The following DTNBP1 variants were observed in gnomAD, a reference collection of about 807,000 sequenced individuals.
DTNBP1 encodes dystrobrevin binding protein 1, also known as dysbindin.
Under a neutral mutation model 42.8 loss-of-function variants are expected in DTNBP1, and 35 were observed. That is an observed-to-expected ratio of 0.82 (90% CI 0.63 to 1.09). The LOEUF is 1.09. Among genes scored for constraint, DTNBP1 ranks in the 50% least tolerant of loss-of-function variants. The pLI, the probability that DTNBP1 is intolerant of heterozygous loss-of-function variation, is 0.00. For missense variants in DTNBP1, 457 were observed against 424.2 expected (o/e 1.08, Z -0.68); for synonymous variants, 171 against 162.2 (o/e 1.05, Z -0.41).
chr6:15,558,575 G>A (rs1774657818), intron 7 of DTNBP1, among the ~76,000 whole-genome samples: 1 of 151,980 alleles, frequency 6.6e-6, no homozygotes. Flanking sequence ...CCTCTGATGA[G>A]TACTCTTAAA....
intron 1 of DTNBP1, among the ~76,000 whole-genome samples, chr6:15,659,784 C>A (rs1761496501): frequency 4.6e-5 from 7 of 152,072 alleles, no homozygotes. Flanking sequence ...GAACTCCTGA[C>A]CTCATGATCC....
chr6:15,660,238 C>A, intron 1 of DTNBP1: 1 of 732,254 alleles, frequency 1.4e-6, no homozygotes, highest in Non-Finnish European at 2.0e-6. Flanking sequence ...TTCCACATTA[C>A]CAACATATAA....
chr6:15,660,359 G>C (rs1761533827), intron 1 of DTNBP1: 1 of 1,289,638 alleles, frequency 7.8e-7, no homozygotes, highest in Non-Finnish European at 1.0e-6. Flanking sequence ...TAACCGAACA[G>C]CTTAAATGTA....
chr6:15,544,411 T>C (rs571810050), intron 7 of DTNBP1, among the ~76,000 whole-genome samples: 2 of 152,360 alleles, frequency 1.3e-5, no homozygotes, highest in South Asian at 4.1e-4. Flanking sequence ...GTACTTTCTC[T>C]TGCATAAATG....
At chr6:15,595,142 A>G in intron 6 of DTNBP1, 1 of 456,374 alleles carries the variant, frequency 2.2e-6, no homozygotes, top group Admixed American at 2.4e-5. Context: ...TTTCCAGGAA[A>G]CTTCCCTTCA....
intron 7 of DTNBP1, among the ~76,000 whole-genome samples, chr6:15,539,499 G>A (rs900427280): frequency 6.6e-6 from 1 of 152,184 alleles, no homozygotes; most frequent in Non-Finnish European, 1.5e-5. Context: ...TGCACAGAGG[G>A]TCCCACCTCA....
At chr6:15,538,332 C>T (rs1449343518) in intron 7 of DTNBP1, among the ~76,000 whole-genome samples, 2 of 152,176 alleles carry the variant, frequency 1.3e-5, no homozygotes, top group Non-Finnish European at 2.9e-5. Flanking sequence ...GGGCTGAGAG[C>T]ATCCCCGGGC....
At chr6:15,545,907 G>A in intron 7 of DTNBP1, 1 of 342,816 alleles carries the variant, frequency 2.9e-6, no homozygotes, top group South Asian at 2.3e-5. Flanking sequence ...GAAGGGCAAG[G>A]CAGTTTAGAA....
intron 4 of DTNBP1, among the ~76,000 whole-genome samples, chr6:15,629,323 T>A (rs560357925): frequency 2.0e-5 from 3 of 152,080 alleles, no homozygotes; most frequent in South Asian, 4.2e-4. Context: ...AAAAAAAAAA[T>A]TCCTATATTA....
chr6:15,645,293 TA>T (rs1228400172), intron 3 of DTNBP1, among the ~76,000 whole-genome samples: 1 of 150,922 alleles, frequency 6.6e-6, no homozygotes, highest in South Asian at 2.1e-4. Context: ...ATAATAATAA[TA>T]AAAAAAATCT....
intron 3 of DTNBP1, among the ~76,000 whole-genome samples, chr6:15,642,371 G>T (rs1425949004): frequency 6.6e-6 from 1 of 152,160 alleles, no homozygotes; most frequent in Admixed American, 6.5e-5. Flanking sequence ...AGGAGTGGGT[G>T]TACCCACCCA....
At chr6:15,631,264 G>C (rs1759678541) in intron 4 of DTNBP1, among the ~76,000 whole-genome samples, 1 of 152,066 alleles carries the variant, frequency 6.6e-6, no homozygotes, top group Admixed American at 6.5e-5. Context: ...TTAAGGCTGG[G>C]TACTGTTTCT....
intron 1 of DTNBP1, among the ~76,000 whole-genome samples, chr6:15,657,892 A>G (rs920408821): frequency 6.6e-6 from 1 of 152,190 alleles, no homozygotes; most frequent in African/African-American, 2.4e-5. Flanking sequence ...ATCCAAATCT[A>G]TCGCAATTTC....
At chr6:15,555,787 T>G (rs1386581093) in intron 7 of DTNBP1, among the ~76,000 whole-genome samples, 3 of 152,224 alleles carry the variant, frequency 2.0e-5, no homozygotes, top group Non-Finnish European at 2.9e-5. Context: ...CCAGTAGCCC[T>G]TGGGGCTGCT....
chr6:15,627,444 G>C lies in DTNBP1; in HGVS notation c.254C>G (p.Ala85Gly), dbSNP rs894334768. ...LVDSEVVMLSAHWEKKKTSLV... is the reference protein window; with the variant it reads ...LVDSEVVMLSGHWEKKKTSLV... Reference sequence around the variant, plus strand: ...GCTTGTCTTTTTCTTCTCCCAGTGCGCAGAAAGCATGACCACCTCGCTATC... The same window carrying C: ...GCTTGTCTTTTTCTTCTCCCAGTGCCCAGAAAGCATGACCACCTCGCTATC... Residue 85 changes from alanine to glycine, a missense_variant, in exon 5 of 10, where the codon GCG (alanine) becomes GGG (glycine). Transcript: ENST00000344537. 6.2e-7 allele frequency: 1 copy of C among 1,613,930 alleles called. No homozygotes were observed. The highest frequency in any genetic ancestry group is 1.7e-4 in the Middle Eastern group (1 of 6,054).
At chr6:15,629,996 T>C (rs1370378851) in intron 4 of DTNBP1, among the ~76,000 whole-genome samples, 1 of 152,140 alleles carries the variant, frequency 6.6e-6, no homozygotes, top group East Asian at 1.9e-4. Flanking sequence ...TCTCCGGAAG[T>C]TCAATTTTTC....
intron 8 of DTNBP1, among the ~76,000 whole-genome samples, chr6:15,531,241 G>C (rs1772799963): frequency 6.6e-6 from 1 of 152,162 alleles, no homozygotes. Context: ...ATATTGTTTT[G>C]TTATGGCAGC....
chr6:15,543,572 G>GA (rs577052167), intron 7 of DTNBP1, among the ~76,000 whole-genome samples: 7 of 152,180 alleles, frequency 4.6e-5, no homozygotes, highest in Non-Finnish European at 1.0e-4. Context: ...TCAAGAAGGA[G>GA]AAAAATTGTT....
intron 7 of DTNBP1, among the ~76,000 whole-genome samples, chr6:15,547,222 TAA>T (rs1773932721): frequency 6.6e-6 from 1 of 152,204 alleles, no homozygotes; most frequent in East Asian, 1.9e-4. Context: ...AATTATTTAT[TAA>T]AGAGTCCATT....
Sources: allele counts gnomAD v4.1 joint callset (sites outside exome capture counted in the v4.1 genomes callset), GRCh38; gene constraint gnomAD v4.1.1; transcripts MANE v1.5; gene names NCBI Gene and HGNC (gene_info 2026-07-23, HGNC 2026-07-21).